TMSB15B: variants seen among roughly 807,000 people sequenced by gnomAD.
TMSB15B encodes thymosin beta-15B.
chrX:103,944,124 A>G (rs189685517), intron 1 of TMSB15B, among the ~76,000 whole-genome samples: 2 of 112,118 alleles, frequency 1.8e-5, no homozygotes, highest in African/African-American at 6.5e-5. Flanking sequence ...CACTGGGCAG[A>G]AATAGGGTGT....
At chrX:103,933,610 C>T (rs1238674398) in intron 1 of TMSB15B, among the ~76,000 whole-genome samples, 7 of 111,631 alleles carry the variant, frequency 6.3e-5, no homozygotes, top group South Asian at 3.8e-4. Flanking sequence ...CCCTAACCAA[C>T]AGTTTTGTTT....
At position 103,949,901 on chromosome X, in the gene TMSB15B, AG is replaced by A. The variant is rs1241955281; in HGVS notation, c.-720-12116del. ...CTCATTTTAAGAGGTTTGGAAGAAG[AG>A]GGGCCAGTAAAGGAAACTGAGAAGA... On this transcript the variant is annotated intron_variant, in intron 1 of 3. Transcript: ENST00000419165. Among the ~76,000 whole-genome samples, 122 of 111,716 alleles carry A rather than the reference AG, an allele frequency of 1.1e-3. 1 individual carries two copies. Among genetic ancestry groups the A allele is most frequent in the African/African-American group, 3.6e-3 (110 of 30,723 alleles).
intron 1 of TMSB15B, chrX:103,928,038 C>G: frequency 1.4e-6 from 1 of 720,939 alleles, no homozygotes; most frequent in Non-Finnish European, 2.0e-6. Context: ...ATTGGTCGCT[C>G]TAATCTCTTT....
Position 103,942,289 on chromosome X carries a change from C to T in TMSB15B, c.-720-19732C>T, listed in dbSNP as rs1242411015. Among the ~76,000 whole-genome samples the T allele has an allele frequency of 2.7e-5, 3 of 111,630 alleles. No individual in the cohort carries two copies. In the East Asian group the frequency reaches 8.3e-4, roughly 31 times the overall value. On this transcript the variant is annotated intron_variant, in intron 1 of 3. Coordinates refer to the TMSB15B transcript ENST00000419165. The stretch of plus-strand genomic sequence containing the variant: ...TTTTAATATACTTGGAATTGATTTT[C>T]ATGTAGAATATGAGAATAGAGGTCC...
rs1193771072 is a variant in TMSB15B, at chrX:103,919,581, T to C, written c.-721+289T>C. On this transcript the variant is annotated intron_variant, in intron 1 of 3. Transcript: ENST00000419165. Reference sequence around the variant, plus strand: ...ACACCCAGGCGGTACAGTTAGGAAGTGCAGAGCTAAGAGCTCACTCCCAAG... The same window carrying C: ...ACACCCAGGCGGTACAGTTAGGAAGCGCAGAGCTAAGAGCTCACTCCCAAG... The C allele has an allele frequency of 1.9e-4, 21 of 111,731 alleles. 1 individual carries two copies. The Admixed American group carries it at 2.0e-3, about 11-fold the overall frequency. The allele number at this position is 111,731 out of a possible 1,213,427, so 9.2% of individuals were successfully genotyped here. A position where few individuals can be genotyped will look rare whatever the true frequency, so the allele number is the denominator to read the frequency against.
chrX:103,945,745 A>G (rs1316931568), intron 1 of TMSB15B, among the ~76,000 whole-genome samples: 1 of 112,297 alleles, frequency 8.9e-6, no homozygotes, highest in Non-Finnish European at 1.9e-5. Flanking sequence ...AGAGAAGCCA[A>G]CATTCTATCA....
intron 1 of TMSB15B, among the ~76,000 whole-genome samples, chrX:103,951,984 C>A (rs2075040265): frequency 9.0e-6 from 1 of 111,287 alleles, no homozygotes; most frequent in South Asian, 3.8e-4. Context: ...TGAGTGAGTA[C>A]ATGAGTGAGT....
At chrX:103,955,142 AC>A (rs1265350567) in intron 1 of TMSB15B, among the ~76,000 whole-genome samples, 6 of 111,616 alleles carry the variant, frequency 5.4e-5, no homozygotes, top group South Asian at 3.9e-4. Flanking sequence ...AAGAAAAAAA[AC>A]ATCCAAAGGT....
At chrX:103,928,437 G>C in intron 1 of TMSB15B, 1 of 1,206,122 alleles carries the variant, frequency 8.3e-7, no homozygotes, top group Non-Finnish European at 1.1e-6. Context: ...CACACACCCT[G>C]GGACGCCACT....
At chrX:103,925,353 T>C (rs1308361572) in intron 1 of TMSB15B, among the ~76,000 whole-genome samples, 1 of 112,379 alleles carries the variant, frequency 8.9e-6, no homozygotes, top group Non-Finnish European at 1.9e-5. Context: ...TGATCTTCAC[T>C]CCCATAAAAT....
intron 1 of TMSB15B, chrX:103,928,705 G>A (rs2074976323): frequency 1.7e-6 from 2 of 1,155,059 alleles, no homozygotes; most frequent in African/African-American, 3.5e-5. Context: ...GGATGGCCTG[G>A]CAGAGCAAGG....
intron 1 of TMSB15B, chrX:103,928,122 G>C: frequency 8.8e-7 from 1 of 1,131,706 alleles, no homozygotes; most frequent in Non-Finnish European, 1.2e-6. Flanking sequence ...CACTCTCCCA[G>C]GAAGGAGCTT....
rs59209471 is a variant in TMSB15B, at chrX:103,919,844, CT to C, written c.-721+553del. ...GAAGTTACAGCATCCAACTTAGCACCTGTATGTTGCTCTCTAGATGCTAATT... is the reference window on the plus strand; with the variant it reads ...GAAGTTACAGCATCCAACTTAGCACCGTATGTTGCTCTCTAGATGCTAATT... On this transcript the variant is annotated intron_variant, in intron 1 of 3. Coordinates refer to the TMSB15B transcript ENST00000419165. Among the ~76,000 whole-genome samples, 472 of 112,084 alleles carry C rather than the reference CT, an allele frequency of 4.2e-3. 3 individuals carry two copies. The highest frequency in any genetic ancestry group is 0.015 in the African/African-American group (446 of 30,755).
At chrX:103,946,021 C>T (rs782138891) in intron 1 of TMSB15B, among the ~76,000 whole-genome samples, 1 of 111,769 alleles carries the variant, frequency 8.9e-6, no homozygotes, top group African/African-American at 3.3e-5. Flanking sequence ...AGAATTTGAC[C>T]CTATTTACAA....
At chrX:103,936,431 C>G (rs2074998116) in intron 1 of TMSB15B, among the ~76,000 whole-genome samples, 1 of 111,748 alleles carries the variant, frequency 8.9e-6, no homozygotes, top group Non-Finnish European at 1.9e-5. Context: ...TGGGAGTTTG[C>G]TCATGATTTG....
chrX:103,947,749 C>T (rs1171676622), intron 1 of TMSB15B, among the ~76,000 whole-genome samples: 1 of 111,338 alleles, frequency 9.0e-6, no homozygotes, highest in Non-Finnish European at 1.9e-5. Flanking sequence ...TGCAAAGAAC[C>T]CCTAAGAAGC....
intron 1 of TMSB15B, chrX:103,933,045 G>A (rs1452506956): frequency 5.4e-5 from 6 of 111,442 alleles, no homozygotes; most frequent in Non-Finnish European, 1.1e-4. Flanking sequence ...AATGTTTTAT[G>A]ACAAATCATT....
intron 1 of TMSB15B, among the ~76,000 whole-genome samples, chrX:103,923,834 A>G (rs2074960880): frequency 8.9e-6 from 1 of 111,784 alleles, no homozygotes; most frequent in Admixed American, 9.4e-5. Context: ...CCTATCCATG[A>G]GCATGGAAGG....
At chrX:103,931,847 G>A (rs1602436751) in intron 1 of TMSB15B, 1 of 111,613 alleles carries the variant, frequency 9.0e-6, no homozygotes, top group Non-Finnish European at 1.9e-5. Context: ...CCTCATTCCC[G>A]ACCTCCAGGG....
Sources: allele counts gnomAD v4.1 joint callset (sites outside exome capture counted in the v4.1 genomes callset), GRCh38; gene constraint gnomAD v4.1.1; transcripts MANE v1.5; gene names NCBI Gene and HGNC (gene_info 2026-07-23, HGNC 2026-07-21).